Variants in JAK1 observed in about 807,000 individuals in gnomAD.
The protein encoded by JAK1 is tyrosine-protein kinase JAK1.
JAK1 carries 16 observed loss-of-function variants against 136.6 expected under a neutral mutation model. The observed-to-expected ratio is 0.12, with a 90% CI of 0.08 to 0.18. The LOEUF (loss-of-function observed/expected upper bound fraction) is 0.18, where lower values mean the gene tolerates loss of function less well. JAK1 is among the 10% of genes least tolerant of loss of function. The pLI, the probability that JAK1 is intolerant of heterozygous loss-of-function variation, is 1.00. For missense variants in JAK1, 859 were observed against 1,450.1 expected, an observed-to-expected ratio of 0.59 and a Z score of 6.62; for synonymous variants, 492 against 519.5, an observed-to-expected ratio of 0.95 and a Z score of 0.72.
chr1:64,897,147 G>A (rs1645026065), intron 1 of JAK1, among the ~76,000 whole-genome samples: 1 of 151,776 alleles, frequency 6.6e-6, no homozygotes, highest in Admixed American at 6.6e-5. Flanking sequence ...AAGGAAAGTG[G>A]GGTTGGGCAC....
At chr1:64,936,049 C>T (rs569271471) in intron 1 of JAK1, among the ~76,000 whole-genome samples, 2 of 152,308 alleles carry the variant, frequency 1.3e-5, no homozygotes, top group African/African-American at 4.8e-5. Context: ...AGCCTCTAGC[C>T]TTACTCCAGT....
chr1:64,945,144 A>G (rs1457533929), intron 1 of JAK1, among the ~76,000 whole-genome samples: 1 of 152,010 alleles, frequency 6.6e-6, no homozygotes. Flanking sequence ...GAAACACAAG[A>G]AGGAATCGCC....
intron 1 of JAK1, among the ~76,000 whole-genome samples, chr1:64,909,237 T>C (rs1570751646): frequency 6.6e-6 from 1 of 152,308 alleles, no homozygotes; most frequent in East Asian, 1.9e-4. Context: ...TTAGCAGCAG[T>C]TGCTGCTCAC....
upstream of JAK1, among the ~76,000 whole-genome samples, chr1:64,968,667 C>T (rs927806699): frequency 2.0e-5 from 3 of 152,274 alleles, no homozygotes; most frequent in Non-Finnish European, 2.9e-5. Flanking sequence ...TGCAGTGGCT[C>T]ACGCCTGTAA....
Position 65,018,116 on chromosome 1 carries a change from C to T in JAK1, c.-78+26364G>A, listed in dbSNP as rs74545390. ...GTGAGCCACTGCACCTGGCTGTGAA[C>T]TGTGCCTTTTTAAAATGTGTGAGTG... On this transcript the variant is annotated intron_variant, in intron 2 of 25. Coordinates refer to the JAK1 transcript ENST00000671954. 1.6e-4 allele frequency among the ~76,000 whole-genome samples: 24 copies of T among 152,126 alleles called. No individual in the cohort carries two copies. In the East Asian group the frequency reaches 4.6e-3, roughly 29 times the overall value.
intron 2 of JAK1, among the ~76,000 whole-genome samples, chr1:64,988,825 G>A (rs1018318969): frequency 1.6e-4 from 25 of 151,804 alleles, no homozygotes; most frequent in African/African-American, 5.8e-4. Flanking sequence ...GGAAGTCAAG[G>A]CTGCAGTGAA....
At chr1:65,054,988 A>T (rs530736213) in intron 1 of JAK1, among the ~76,000 whole-genome samples, 2 of 152,304 alleles carry the variant, frequency 1.3e-5, no homozygotes, top group Non-Finnish European at 2.9e-5. Flanking sequence ...TGGCTTCAAG[A>T]GGGTTATTAT....
chr1:65,022,261 T>G (rs1646943932), intron 2 of JAK1, among the ~76,000 whole-genome samples: 1 of 152,248 alleles, frequency 6.6e-6, no homozygotes, highest in Non-Finnish European at 1.5e-5. Flanking sequence ...TCTTGTGTAA[T>G]GTCCCCTCTC....
chr1:64,922,356 T>C (rs1244292924), intron 1 of JAK1, among the ~76,000 whole-genome samples: 1 of 152,186 alleles, frequency 6.6e-6, no homozygotes, highest in Non-Finnish European at 1.5e-5. Context: ...CCTTTAATTA[T>C]ACAGTAAGGG....
chr1:64,983,605 C>T (rs1646570716), intron 2 of JAK1, among the ~76,000 whole-genome samples: 1 of 152,148 alleles, frequency 6.6e-6, no homozygotes, highest in South Asian at 2.1e-4. Context: ...GCTCTACCAC[C>T]AGATGGGTGG....
chr1:65,005,773 C>T (rs1646798963), intron 2 of JAK1, among the ~76,000 whole-genome samples: 1 of 152,094 alleles, frequency 6.6e-6, no homozygotes, highest in Admixed American at 6.6e-5. Context: ...ATTAAAATCC[C>T]AGCAGACTTT....
chr1:64,927,895 G>T (rs1246707357), intron 1 of JAK1, among the ~76,000 whole-genome samples: 1 of 152,236 alleles, frequency 6.6e-6, no homozygotes, highest in Non-Finnish European at 1.5e-5. Flanking sequence ...ACTGAGGTAA[G>T]AAAGTGATGG....
chr1:65,048,485 T>A (rs982182472), intron 1 of JAK1, among the ~76,000 whole-genome samples: 3 of 152,160 alleles, frequency 2.0e-5, no homozygotes, highest in Non-Finnish European at 4.4e-5. Flanking sequence ...TGGACTAAGG[T>A]CGCTTGTTAT....
chr1:65,005,963 A>G (rs1464557816), intron 2 of JAK1, among the ~76,000 whole-genome samples: 1 of 152,180 alleles, frequency 6.6e-6, no homozygotes, highest in African/African-American at 2.4e-5. Context: ...TAATTTGTGA[A>G]CTCTCATGCT....
chr1:65,034,666 A>C (rs759453619), intron 2 of JAK1, among the ~76,000 whole-genome samples: 2 of 152,232 alleles, frequency 1.3e-5, no homozygotes, highest in Non-Finnish European at 2.9e-5. Flanking sequence ...AGCCAATCAG[A>C]CAAAATATGT....
chr1:65,053,046 A>AG (rs1557776571), intron 1 of JAK1, among the ~76,000 whole-genome samples: 1 of 148,614 alleles, frequency 6.7e-6, no homozygotes, highest in African/African-American at 2.5e-5. Flanking sequence ...AAAAAAAAAA[A>AG]AAAAAAAAAA....
intron 7 of JAK1, 51 bp downstream of exon 7, chr1:64,866,815 G>T: frequency 1.5e-6 from 2 of 1,352,942 alleles, no homozygotes; most frequent in Non-Finnish European, 2.1e-6. Context: ...AACAGCATAC[G>T]CTATGTGACA....
chr1:64,865,062 G>C (rs1656609634), intron 7 of JAK1, 90 bp from the exon 8 acceptor site: 1 of 1,016,510 alleles, frequency 9.8e-7, no homozygotes, highest in African/African-American at 1.6e-5. Flanking sequence ...CCTATGCAGG[G>C]CCTAGGTCCA....
In JAK1 at chr1:64,845,573, G is replaced by A. The variant is rs768215634; in HGVS notation, c.2055C>T (p.Val685=). ...CTTTGAATTTCCATGGTGTGGTAAG[G>A]ACATCGCTTTTCCGGTGCATGAAGA... ...LDLFMHRKSD[V]LTTPWKFKVA... The change falls in exon 15 of 25, where the codon GTC becomes GTT. Residue 685 remains valine, a synonymous_variant. Transcript: ENST00000342505. 1 of 1,614,124 alleles carries A rather than the reference G, an allele frequency of 6.2e-7. No homozygotes were observed. Among genetic ancestry groups the A allele is most frequent in the Non-Finnish European group, 8.5e-7 (1 of 1,179,998 alleles).
Sources: allele counts gnomAD v4.1 joint callset (sites outside exome capture counted in the v4.1 genomes callset), GRCh38; gene constraint gnomAD v4.1.1; transcripts MANE v1.5; gene names NCBI Gene and HGNC (gene_info 2026-07-23, HGNC 2026-07-21).